The following ANKRD44 variants were observed in gnomAD, a reference collection of about 807,000 sequenced individuals.
ANKRD44 encodes the protein ankyrin repeat domain 44.
ANKRD44 carries 35 observed loss-of-function variants against 116.0 expected under a neutral mutation model. The ratio of observed to expected loss-of-function variants is 0.30; its 90% CI spans 0.23 to 0.40. The LOEUF is 0.40. Ranked by LOEUF, ANKRD44 falls within the 10% of genes least tolerant of loss-of-function variation. ANKRD44 has a pLI of 1.00. For missense variants in ANKRD44, 1,014 were observed against 1,242.6 expected (o/e 0.82, Z 2.77); for synonymous variants, 435 against 461.8 (o/e 0.94, Z 0.74).
At chr2:197,256,285 G>A (rs890505249) in intron 1 of ANKRD44, among the ~76,000 whole-genome samples, 64 of 152,314 alleles carry the variant, frequency 4.2e-4, no homozygotes, top group African/African-American at 1.4e-3. Flanking sequence ...CTTGACAACA[G>A]TTAAAACTAG....
intron 16 of ANKRD44, among the ~76,000 whole-genome samples, chr2:197,064,787 AC>A (rs1303168266): frequency 6.6e-6 from 1 of 152,242 alleles, no homozygotes; most frequent in Non-Finnish European, 1.5e-5. Flanking sequence ...ATACAGGAGC[AC>A]CCAGATTCAC....
chr2:197,267,605 C>T (rs1397874710), intron 1 of ANKRD44, among the ~76,000 whole-genome samples: 1 of 152,160 alleles, frequency 6.6e-6, no homozygotes, highest in Non-Finnish European at 1.5e-5. Context: ...ATAAGTGTAC[C>T]CAATCAATTC....
chr2:196,985,506 C>T (rs916879121), downstream of ANKRD44, among the ~76,000 whole-genome samples: 1 of 152,160 alleles, frequency 6.6e-6, no homozygotes, highest in Admixed American at 6.5e-5. Flanking sequence ...GGGCTGAGTA[C>T]AAAACCTCCC....
At chr2:197,088,844 G>A in intron 11 of ANKRD44, 70 bp from the exon 12 acceptor site, 1 of 1,515,530 alleles carries the variant, frequency 6.6e-7, no homozygotes, top group Non-Finnish European at 9.0e-7. Flanking sequence ...TAAACCACAA[G>A]AAACATTGCA....
At chr2:197,048,479 G>C (rs1420496429) in intron 16 of ANKRD44, among the ~76,000 whole-genome samples, 2 of 152,094 alleles carry the variant, frequency 1.3e-5, no homozygotes, top group Non-Finnish European at 2.9e-5. Flanking sequence ...TGAGAATGAC[G>C]GTTTCCAGCT....
At chr2:197,245,576 A>G (rs1413315173) in intron 1 of ANKRD44, among the ~76,000 whole-genome samples, 1 of 152,234 alleles carries the variant, frequency 6.6e-6, no homozygotes, top group Non-Finnish European at 1.5e-5. Flanking sequence ...TTTACCTTAC[A>G]TAATAAAAAG....
chr2:197,261,239 T>G (rs1439592288), intron 1 of ANKRD44, among the ~76,000 whole-genome samples: 1 of 151,732 alleles, frequency 6.6e-6, no homozygotes, highest in Non-Finnish European at 1.5e-5. Context: ...TAATCCATCT[T>G]GAATTAATTT....
intron 3 of ANKRD44, among the ~76,000 whole-genome samples, chr2:197,137,641 A>G (rs1002426177): frequency 1.3e-5 from 2 of 152,216 alleles, no homozygotes; most frequent in African/African-American, 2.4e-5. Flanking sequence ...AACAAATGCC[A>G]TCAACAGCAT....
At chr2:197,067,172 A>G (rs1218193027) in intron 16 of ANKRD44, among the ~76,000 whole-genome samples, 1 of 152,126 alleles carries the variant, frequency 6.6e-6, no homozygotes, top group Admixed American at 6.6e-5. Flanking sequence ...TGACAAAAAC[A>G]AGCAATGGGG....
At chr2:197,269,457 C>T (rs759494505) in intron 1 of ANKRD44, among the ~76,000 whole-genome samples, 2 of 152,016 alleles carry the variant, frequency 1.3e-5, no homozygotes, top group Non-Finnish European at 2.9e-5. Context: ...CTCGAGGAAC[C>T]GCAGATGACT....
intron 1 of ANKRD44, among the ~76,000 whole-genome samples, chr2:197,258,158 A>T (rs1250213888): frequency 6.6e-6 from 1 of 151,148 alleles, no homozygotes; most frequent in Non-Finnish European, 1.5e-5. Flanking sequence ...GCTGGAGTAC[A>T]GTGGTGTGAT....
intron 3 of ANKRD44, among the ~76,000 whole-genome samples, chr2:197,143,158 T>C (rs2079410238): frequency 6.7e-6 from 1 of 149,544 alleles, no homozygotes; most frequent in Admixed American, 6.6e-5. Context: ...TCTTTTTTTT[T>C]TTTTTGAGAT....
intron 16 of ANKRD44, among the ~76,000 whole-genome samples, chr2:197,035,206 T>G (rs997588054): frequency 7.2e-5 from 11 of 152,202 alleles, no homozygotes; most frequent in Non-Finnish European, 1.3e-4. Flanking sequence ...CATCCAAATT[T>G]GTGAGGGAAC....
intron 1 of ANKRD44, among the ~76,000 whole-genome samples, chr2:197,292,169 T>C (rs1040120770): frequency 2.0e-5 from 3 of 152,248 alleles, no homozygotes; most frequent in Admixed American, 1.3e-4. Context: ...GAATGATTCA[T>C]AATCCTTTGG....
intron 15 of ANKRD44, among the ~76,000 whole-genome samples, 200 bp from the exon 16 acceptor site, chr2:197,079,014 A>G (rs1227517145): frequency 6.8e-6 from 1 of 147,844 alleles, no homozygotes; most frequent in Non-Finnish European, 1.5e-5. Flanking sequence ...TTCTGTAGCT[A>G]TCTTTATTTG....
rs556944774 is a variant in ANKRD44, at chr2:197,079,864, T to C, written c.1539-1050A>G. ...CAAAACGAAAAAAGTCAATTACACA[T>C]AGGGACAATTAAAACAGACACTTCA... On this transcript the variant is annotated intron_variant, in intron 15 of 27. Coordinates refer to ENST00000282272, the MANE Select transcript of ANKRD44 (RefSeq NM_001195144.2). Among the ~76,000 whole-genome samples, 73 of 152,196 alleles carry C rather than the reference T, an allele frequency of 4.8e-4. 1 individual carries two copies. The highest frequency in any genetic ancestry group is 7.5e-4 in the Non-Finnish European group (51 of 68,000).
Position 197,187,005 on chromosome 2 carries a change from A to G in ANKRD44, c.111+18T>C. On this transcript the variant is annotated intron_variant, in intron 2 of 27. Coordinates refer to ENST00000282272, the MANE Select transcript of ANKRD44 (RefSeq NM_001195144.2). ...CAGGCTAACAGGGCCTGAGTAGCAAAACCACAGTATCTCTTACCAGAGTAT... is the reference window on the plus strand; with the variant it reads ...CAGGCTAACAGGGCCTGAGTAGCAAGACCACAGTATCTCTTACCAGAGTAT... 6.2e-7 allele frequency: 1 copy of G among 1,612,852 alleles called. No homozygotes were observed. The highest frequency in any genetic ancestry group is 8.5e-7 in the Non-Finnish European group (1 of 1,179,104).
intron 21 of ANKRD44, among the ~76,000 whole-genome samples, chr2:197,004,005 G>A (rs371409203): frequency 1.3e-4 from 20 of 151,704 alleles, no homozygotes; most frequent in South Asian, 4.2e-4. Context: ...ACACACAAAC[G>A]CCTTTTGTGG....
intron 1 of ANKRD44, among the ~76,000 whole-genome samples, chr2:197,221,445 T>G (rs904035962): frequency 6.6e-6 from 1 of 152,128 alleles, no homozygotes; most frequent in Non-Finnish European, 1.5e-5. Flanking sequence ...GCCCAGCTAA[T>G]TTTTTATTTT....
Sources: gnomAD v4.1 joint callset for allele counts (sites outside exome capture counted in the v4.1 genomes callset) on GRCh38, gnomAD v4.1.1 for gene constraint, MANE v1.5 for transcripts, NCBI Gene and HGNC (gene_info 2026-07-23, HGNC 2026-07-21) for gene names.